SEMA3B: variants seen among roughly 807,000 people sequenced by gnomAD.
SEMA3B encodes semaphorin 3B.
SEMA3B carries 71 observed loss-of-function variants against 77.8 expected under a neutral mutation model. That is an observed-to-expected ratio of 0.91 (90% CI 0.75 to 1.11). The LOEUF is 1.11. SEMA3B is among the 50% of genes most tolerant of loss of function. The probability of loss-of-function intolerance (pLI) is 0.00; values close to 1 mark genes in which losing one functional copy is unlikely to be tolerated. For synonymous variants in SEMA3B, 470 were observed against 452.9 expected (o/e 1.04, Z -0.48); for missense variants, 968 against 1,056.8 (o/e 0.92, Z 1.17).
chr3:50,264,589 C>A (rs899303253), upstream of SEMA3B, among the ~76,000 whole-genome samples: 1 of 152,194 alleles, frequency 6.6e-6, no homozygotes, highest in African/African-American at 2.4e-5. Context: ...AGCCCTCCCC[C>A]AGAGCATTCA....
rs1553706074 is a variant in SEMA3B, at chr3:50,274,320, C to T, written c.1138-43C>T. 7.0e-7 allele frequency: 1 copy of T among 1,423,708 alleles called. No homozygotes were observed. Among genetic ancestry groups the T allele is most frequent in the Admixed American group, 2.4e-5 (1 of 41,468 alleles). 88.2% of individuals were successfully genotyped at this position (1,423,708 alleles called of 1,614,324 possible). A position where few individuals can be genotyped will look rare whatever the true frequency, so the allele number is the denominator to read the frequency against. On this transcript the variant is annotated intron_variant, in intron 10 of 16. Coordinates refer to ENST00000616701, the MANE Select transcript of SEMA3B (RefSeq NM_001290060.2). This position sits in a 1 kb window ranked among gnomAD's most constrained non-coding sequence, Gnocchi z 4.7. The stretch of plus-strand genomic sequence containing the variant: ...CATGGAGGGCTGCCTATCAAGCCCC[C>T]ATATCTATATCCCTGCTGTGCCTCC...
At position 50,273,462 on chromosome 3, in the gene SEMA3B, A is replaced by G; in HGVS notation, c.810+19A>G. 1.2e-6 allele frequency: 2 copies of G among 1,611,476 alleles called. No homozygotes were observed. The highest frequency in any genetic ancestry group is 1.7e-6 in the Non-Finnish European group (2 of 1,178,366). ...CTGCCGGGTGAGGAGTCCCTGGGCC[A>G]CACCCGGCGACCCTGCCCCTACCCC... On this transcript the variant is annotated intron_variant, in intron 7 of 16. Coordinates refer to ENST00000616701, the MANE Select transcript of SEMA3B (RefSeq NM_001290060.2). The surrounding 1 kb of genome is among the most constrained non-coding windows in gnomAD (Gnocchi z 6.5).
Position 50,277,530 on chromosome 3 carries a change from C to A in SEMA3B, c.*824C>A, listed in dbSNP as rs1485584148. The A allele has an allele frequency of 8.9e-6, 1 of 112,154 alleles. No homozygotes were observed. Among genetic ancestry groups the A allele is most frequent in the African/African-American group, 3.6e-5 (1 of 27,934 alleles). The allele number at this position is 112,154 out of a possible 1,614,324, so 6.9% of individuals were successfully genotyped here. On this transcript the variant is annotated 3_prime_UTR_variant, in exon 17 of 17. Transcript: ENST00000616701. ...TCTCGCCGCTGCACTCCAGCCTGGG[C>A]GACAGAGCGAGACTCCAAAAAAAAA...
chr3:50,267,038 C>G (rs1575463589), upstream of SEMA3B, among the ~76,000 whole-genome samples: 1 of 152,310 alleles, frequency 6.6e-6, no homozygotes, highest in East Asian at 1.9e-4. This position sits in a 1 kb window ranked among gnomAD's most constrained non-coding sequence, Gnocchi z 5.7. Context: ...CTGCGTCTGC[C>G]CCTCTCCTGC....
upstream of SEMA3B, among the ~76,000 whole-genome samples, chr3:50,265,817 A>G (rs1700886863): frequency 6.6e-6 from 1 of 152,186 alleles, no homozygotes; most frequent in South Asian, 2.1e-4. Context: ...GGCCTGGCAC[A>G]CTGGACCTGG....
Position 50,270,819 on chromosome 3 carries a change from A to T in SEMA3B, c.331-71A>T. ...ATGCCGAAGAGAGGGAGGGGTGAGG[A>T]TGCCACTGGTGAGCTGGGACCTCTT... On this transcript the variant is annotated intron_variant, in intron 3 of 16. Transcript: ENST00000616701. The surrounding 1 kb of genome is among the most constrained non-coding windows in gnomAD (Gnocchi z 4.7). 1 of 1,543,946 alleles carries T rather than the reference A, an allele frequency of 6.5e-7. No individual in the cohort carries two copies. The highest frequency in any genetic ancestry group is 1.2e-5 in the South Asian group (1 of 83,230).
Position 50,273,598 on chromosome 3 carries a change from G to T in SEMA3B, c.874G>T (p.Val292Leu), listed in dbSNP as rs1701121156. ...KWTTFLKARL[V>L]CSVPGVEGDT... The stretch of plus-strand genomic sequence containing the variant: ...GACGACGTTCCTGAAGGCGCGGCTG[G>T]TGTGCTCGGTGCCCGGCGTCGAGGG... The change falls in exon 8 of 17, where the codon GTG (valine) becomes TTG (leucine). Residue 292 changes from valine to leucine, a missense_variant. Coordinates refer to ENST00000616701, the MANE Select transcript of SEMA3B (RefSeq NM_001290060.2). This position sits in a 1 kb window ranked among gnomAD's most constrained non-coding sequence, Gnocchi z 6.5. The T allele has an allele frequency of 6.2e-7, 1 of 1,612,982 alleles. No individual in the cohort carries two copies.
In SEMA3B at chr3:50,275,757, C is replaced by T. The variant is rs1553706508; in HGVS notation, c.1758C>T (p.Ser586=). 1.2e-6 allele frequency: 2 copies of T among 1,613,228 alleles called. No homozygotes were observed. The highest frequency in any genetic ancestry group is 2.2e-5 in the South Asian group (2 of 91,054). The part of the protein sequence containing the change: ...LEHKVFGVEG[S]SAFLECEPRS... ...ACAAGGTGTTCGGCGTGGAGGGCAG[C>T]AGCGCCTTTCTGGAGTGTGAGCCCC... The change falls in exon 16 of 17, where the codon AGC becomes AGT. Residue 586 remains serine, a synonymous_variant. Coordinates refer to ENST00000616701, the MANE Select transcript of SEMA3B (RefSeq NM_001290060.2). This position sits in a 1 kb window ranked among gnomAD's most constrained non-coding sequence, Gnocchi z 7.5.
chr3:50,267,070 G>A (rs896228524), upstream of SEMA3B, among the ~76,000 whole-genome samples: 1 of 152,128 alleles, frequency 6.6e-6, no homozygotes, highest in Admixed American at 6.5e-5. The surrounding 1 kb of genome is among the most constrained non-coding windows in gnomAD (Gnocchi z 5.7). Flanking sequence ...TCCCCTATCT[G>A]GCTGTCATGG....
chr3:50,270,800 AAG>A lies in SEMA3B; in HGVS notation c.331-85_331-84del. On this transcript the variant is annotated intron_variant, in intron 3 of 16. Transcript: ENST00000616701. This position sits in a 1 kb window ranked among gnomAD's most constrained non-coding sequence, Gnocchi z 4.7. Reference sequence around the variant, plus strand: ...TTAGTACTTGCCTGGGCTGATGCCGAAGAGAGGGAGGGGTGAGGATGCCACTG... The same window carrying A: ...TTAGTACTTGCCTGGGCTGATGCCGAAGAGGGAGGGGTGAGGATGCCACTG... 2 of 1,530,860 alleles carry A rather than the reference AAG, an allele frequency of 1.3e-6. No individual in the cohort carries two copies. Among genetic ancestry groups the A allele is most frequent in the Non-Finnish European group, 8.8e-7 (1 of 1,134,016 alleles). The allele number at this position is 1,530,860 out of a possible 1,614,324, so 94.8% of individuals were successfully genotyped here.
chr3:50,274,034 G>A lies in SEMA3B; in HGVS notation c.1114G>A (p.Val372Ile). 2 of 1,613,408 alleles carry A rather than the reference G, an allele frequency of 1.2e-6. No homozygotes were observed. The highest frequency in any genetic ancestry group is 1.7e-6 in the Non-Finnish European group (2 of 1,179,714). ...CCAGTGGGTGTCATACCAGGGTCGC[G>A]TCCCCTACCCGCGGCCAGGCATGGT... Reference protein sequence around the residue: ...MHQWVSYQGRVPYPRPGMCPS... With the variant: ...MHQWVSYQGRIPYPRPGMCPS... The change falls in exon 10 of 17, where the codon GTC (valine) becomes ATC (isoleucine). Residue 372 changes from valine to isoleucine, a missense_variant. Transcript: ENST00000616701. This position sits in a 1 kb window ranked among gnomAD's most constrained non-coding sequence, Gnocchi z 4.7.
chr3:50,276,335 C>A lies in SEMA3B; in HGVS notation c.1879C>A (p.Arg627=). 1 of 1,528,620 alleles carries A rather than the reference C, an allele frequency of 6.5e-7. No individual in the cohort carries two copies. The highest frequency in any genetic ancestry group is 8.8e-7 in the Non-Finnish European group (1 of 1,141,588). 94.7% of individuals were successfully genotyped at this position (1,528,620 alleles called of 1,614,324 possible). ...AGAGGAGCGCACCGAGCGCACCGCC[C>A]GGGGACTACTGCTGCGCAGGCTGCG... ...LAEERTERTA[R]GLLLRRLRRR... The change falls in exon 17 of 17, where the codon CGG becomes AGG. Residue 627 remains arginine (R), a synonymous_variant. Transcript: ENST00000616701. The surrounding 1 kb of genome is among the most constrained non-coding windows in gnomAD (Gnocchi z 5.8).
intron 6 of SEMA3B, among the ~76,000 whole-genome samples, chr3:50,272,896 C>T (rs1553705625): frequency 1.1e-5 from 1 of 94,984 alleles, no homozygotes; most frequent in Non-Finnish European, 2.1e-5. Flanking sequence ...CAATGGGACC[C>T]AGCAGAAGGA....
At chr3:50,271,286 C>T (rs1701041093) in intron 5 of SEMA3B, 75 bp from the exon 6 acceptor site, 5 of 1,548,304 alleles carry the variant, frequency 3.2e-6, no homozygotes, top group South Asian at 2.4e-5. Flanking sequence ...TAACCTCACT[C>T]ACTCCCAGAG....
upstream of SEMA3B, among the ~76,000 whole-genome samples, chr3:50,264,469 A>G (rs1255135606): frequency 6.6e-6 from 1 of 152,186 alleles, no homozygotes; most frequent in Non-Finnish European, 1.5e-5. Flanking sequence ...TGAGAGGTGC[A>G]GACTCCAGCT....
In SEMA3B at chr3:50,271,406, A is replaced by T; in HGVS notation, c.590A>T (p.Asp197Val). ...SGVAADLMGR[D>V]FTIFRSLGQR... ...GTGGCAGCAGACCTCATGGGACGAGACTTTACCATCTTTCGCAGCCTAGGG... is the reference window on the plus strand; with the variant it reads ...GTGGCAGCAGACCTCATGGGACGAGTCTTTACCATCTTTCGCAGCCTAGGG... The change falls in exon 6 of 17, where the codon GAC (aspartate) becomes GTC (valine). Residue 197 changes from aspartate (D) to valine (V), a missense_variant. Physicochemically the swap from Asp to Val is radical, Grantham distance 152. Coordinates refer to ENST00000616701, the MANE Select transcript of SEMA3B (RefSeq NM_001290060.2). 1 of 1,591,522 alleles carries T rather than the reference A, an allele frequency of 6.3e-7. No homozygotes were observed. The highest frequency in any genetic ancestry group is 8.6e-7 in the Non-Finnish European group (1 of 1,169,136).
In SEMA3B at chr3:50,273,090, C is replaced by T. The variant is rs1188258957; in HGVS notation, c.665-208C>T. 4 of 723,546 alleles carry T rather than the reference C, an allele frequency of 5.5e-6. No homozygotes were observed. Among genetic ancestry groups the T allele is most frequent in the African/African-American group, 5.4e-5 (3 of 55,456 alleles). The allele number at this position is 723,546 out of a possible 1,614,324, so 44.8% of individuals were successfully genotyped here. A position where few individuals can be genotyped will look rare whatever the true frequency, so the allele number is the denominator to read the frequency against. Reference sequence around the variant, plus strand: ...CAGGTAGCCACGGTCTCTGCTGCCCCCTCGCGGCTGCTTCTTGCCTCGCAG... The same window carrying T: ...CAGGTAGCCACGGTCTCTGCTGCCCTCTCGCGGCTGCTTCTTGCCTCGCAG... On this transcript the variant is annotated intron_variant, in intron 6 of 16. Transcript: ENST00000616701. This position sits in a 1 kb window ranked among gnomAD's most constrained non-coding sequence, Gnocchi z 6.5.
Position 50,274,044 on chromosome 3 carries a change from C to T in SEMA3B, c.1124C>T (p.Pro375Leu), listed in dbSNP as rs1701139798. 1 of 1,613,252 alleles carries T rather than the reference C, an allele frequency of 6.2e-7. No homozygotes were observed. Among genetic ancestry groups the T allele is most frequent in the South Asian group, 1.1e-5 (1 of 91,052 alleles). The change falls in exon 10 of 17, where the codon CCG (proline) becomes CTG (leucine). Residue 375 changes from proline to leucine, a missense_variant. Transcript: ENST00000616701. The surrounding 1 kb of genome is among the most constrained non-coding windows in gnomAD (Gnocchi z 4.7). ...WVSYQGRVPY[P>L]RPGMCPSKTF... ...TCATACCAGGGTCGCGTCCCCTACCCGCGGCCAGGCATGGTTCGTAGCCCA... is the reference window on the plus strand; with the variant it reads ...TCATACCAGGGTCGCGTCCCCTACCTGCGGCCAGGCATGGTTCGTAGCCCA...
At position 50,274,268 on chromosome 3, in the gene SEMA3B, T is replaced by C. The variant is rs1553706067; in HGVS notation, c.1138-95T>C. 5.8e-6 allele frequency: 7 copies of C among 1,216,652 alleles called. No individual in the cohort carries two copies. The highest frequency in any genetic ancestry group is 6.9e-6 in the Non-Finnish European group (6 of 873,916). 75.4% of individuals were successfully genotyped at this position (1,216,652 alleles called of 1,614,324 possible). A position where few individuals can be genotyped will look rare whatever the true frequency, so the allele number is the denominator to read the frequency against. On this transcript the variant is annotated intron_variant, in intron 10 of 16. Transcript: ENST00000616701. This position sits in a 1 kb window ranked among gnomAD's most constrained non-coding sequence, Gnocchi z 4.7. ...TTCTCAGGGCAGGGTTCTGTCCCCATCCCCCTCCATGTTCCCAGAGGCTGG... is the reference window on the plus strand; with the variant it reads ...TTCTCAGGGCAGGGTTCTGTCCCCACCCCCCTCCATGTTCCCAGAGGCTGG...
Sources: gnomAD v4.1 joint callset for allele counts (sites outside exome capture counted in the v4.1 genomes callset) on GRCh38, gnomAD v4.1.1 for gene constraint, Gnocchi (gnomAD v3.1) non-coding constraint, MANE v1.5 for transcripts, NCBI Gene and HGNC (gene_info 2026-07-23, HGNC 2026-07-21) for gene names.